The following OPCML variants were observed in gnomAD, a reference collection of about 807,000 sequenced individuals.
OPCML encodes opioid-binding protein/cell adhesion molecule.
OPCML carries 13 observed loss-of-function variants against 37.8 expected under a neutral mutation model. That is an observed-to-expected ratio of 0.34 (90% CI 0.22 to 0.55). OPCML has a LOEUF of 0.55. OPCML is among the 20% of genes least tolerant of loss of function. The pLI is 0.91. For synonymous variants in OPCML, 176 were observed against 168.8 expected, an observed-to-expected ratio of 1.04 and a Z score of -0.33; for missense variants, 341 against 435.6, an observed-to-expected ratio of 0.78 and a Z score of 1.93.
intron 2 of OPCML, among the ~76,000 whole-genome samples, chr11:132,703,785 G>T (rs1033874518): frequency 6.6e-6 from 1 of 152,188 alleles, no homozygotes; most frequent in African/African-American, 2.4e-5. Flanking sequence ...GGGTCCACAG[G>T]GGTGGGCCTA....
intron 1 of OPCML, among the ~76,000 whole-genome samples, chr11:133,397,955 T>A (rs1049480937): frequency 6.6e-5 from 10 of 152,200 alleles, no homozygotes; most frequent in Admixed American, 1.3e-4. Flanking sequence ...ATCATTAATA[T>A]GGCATGTTTT....
rs183274275 is a variant in OPCML at position 132,495,401 on chromosome 11, G to A, written c.505+33660C>T. 1.0e-3 allele frequency among the ~76,000 whole-genome samples: 158 copies of A among 152,250 alleles called. 1 individual carries two copies. The highest frequency in any genetic ancestry group is 3.6e-3 in the African/African-American group (150 of 41,546). On this transcript the variant is annotated intron_variant, in intron 4 of 7. Transcript: ENST00000524381. Reference sequence around the variant, plus strand: ...ATGCATTTGTTGGGGGAAGACATTTGCTCAGAAATCAAACTTGAAAGTGAA... The same window carrying A: ...ATGCATTTGTTGGGGGAAGACATTTACTCAGAAATCAAACTTGAAAGTGAA...
intron 3 of OPCML, among the ~76,000 whole-genome samples, chr11:132,585,885 C>G (rs568235312): frequency 6.6e-6 from 1 of 152,284 alleles, no homozygotes; most frequent in South Asian, 2.1e-4. Context: ...TTCCTTCATT[C>G]CTTCCTAAAG....
At chr11:133,469,599 G>C (rs1264090142) in intron 1 of OPCML, among the ~76,000 whole-genome samples, 1 of 152,142 alleles carries the variant, frequency 6.6e-6, no homozygotes, top group East Asian at 1.9e-4. Context: ...TGCTCCAATT[G>C]TTTTCTCTTC....
At chr11:132,573,292 G>A (rs2096442733) in intron 3 of OPCML, among the ~76,000 whole-genome samples, 2 of 151,832 alleles carry the variant, frequency 1.3e-5, no homozygotes, top group Non-Finnish European at 1.5e-5. Flanking sequence ...TTAAATAGAA[G>A]GAGTGAGAAT....
intron 1 of OPCML, among the ~76,000 whole-genome samples, chr11:133,136,169 G>A (rs1391908327): frequency 3.9e-5 from 6 of 152,190 alleles, no homozygotes; most frequent in Admixed American, 2.6e-4. Context: ...AATGCATACA[G>A]TAAAACCCAT....
At chr11:132,997,009 A>G (rs139294750) in intron 1 of OPCML, among the ~76,000 whole-genome samples, 457 of 152,200 alleles carry the variant, frequency 3.0e-3, no homozygotes, top group African/African-American at 0.011. Context: ...TAAGTTAGGG[A>G]GCCTGGTATC....
chr11:132,444,028 G>A (rs1202422584), intron 4 of OPCML, among the ~76,000 whole-genome samples: 1 of 152,214 alleles, frequency 6.6e-6, no homozygotes, highest in Non-Finnish European at 1.5e-5. Context: ...CTTGACTTTA[G>A]TACTCAGTCA....
intron 2 of OPCML, among the ~76,000 whole-genome samples, chr11:132,785,027 T>C (rs1358172671): frequency 1.3e-5 from 2 of 152,260 alleles, no homozygotes; most frequent in African/African-American, 4.8e-5. Context: ...TTTTATTTTC[T>C]TTTACATAAT....
chr11:133,410,683 T>G (rs1298020473), intron 1 of OPCML, among the ~76,000 whole-genome samples: 1 of 135,526 alleles, frequency 7.4e-6, no homozygotes, highest in Non-Finnish European at 1.6e-5. Context: ...AGACCTCTCT[T>G]TCCCATCAGC....
intron 4 of OPCML, among the ~76,000 whole-genome samples, chr11:132,444,574 G>A (rs1210104866): frequency 6.6e-6 from 1 of 152,128 alleles, no homozygotes; most frequent in Non-Finnish European, 1.5e-5. Flanking sequence ...ACTCATTACA[G>A]CAGCTAACGT....
chr11:132,850,610 A>G lies in OPCML; in HGVS notation c.146+92316T>C, dbSNP rs113737255. Among the ~76,000 whole-genome samples the G allele has an allele frequency of 1.3e-4, 20 of 152,264 alleles. 1 individual carries two copies. The highest frequency in any genetic ancestry group is 6.5e-4 in the Admixed American group (10 of 15,286). The stretch of plus-strand genomic sequence containing the variant: ...AGTTTGTATAATTCAATTCATGATT[A>G]GAGCAGAAACTACCCACAAAGTGAG... On this transcript the variant is annotated intron_variant, in intron 2 of 7. Transcript: ENST00000524381.
intron 1 of OPCML, among the ~76,000 whole-genome samples, chr11:133,143,978 G>T (rs1949861812): frequency 6.6e-6 from 1 of 152,060 alleles, no homozygotes; most frequent in South Asian, 2.1e-4. Flanking sequence ...TATGGCCCTT[G>T]AGCTCATGCT....
At chr11:133,494,586 C>A (rs7125838) in intron 1 of OPCML, among the ~76,000 whole-genome samples, 1 of 143,098 alleles carries the variant, frequency 7.0e-6, no homozygotes, top group African/African-American at 2.8e-5. Context: ...ATGGATGAAG[C>A]TGGAAACCAT....
intron 2 of OPCML, among the ~76,000 whole-genome samples, chr11:132,899,822 G>T (rs1943983758): frequency 6.6e-6 from 1 of 152,072 alleles, no homozygotes; most frequent in Admixed American, 6.5e-5. Flanking sequence ...AAGGCAAATA[G>T]GTTTCTTTCC....
intron 1 of OPCML, among the ~76,000 whole-genome samples, chr11:133,453,280 G>T (rs1158805843): frequency 6.6e-6 from 1 of 152,122 alleles, no homozygotes; most frequent in Non-Finnish European, 1.5e-5. Flanking sequence ...TCAGAATGAG[G>T]TTCTGTTCTA....
intron 1 of OPCML, among the ~76,000 whole-genome samples, chr11:133,099,233 G>A (rs767235557): frequency 4.0e-5 from 6 of 151,568 alleles, no homozygotes; most frequent in Non-Finnish European, 5.9e-5. Flanking sequence ...AATAGTCTCC[G>A]AAACTTTGCC....
chr11:133,270,175 T>A (rs574954533), intron 1 of OPCML, among the ~76,000 whole-genome samples: 1 of 152,290 alleles, frequency 6.6e-6, no homozygotes, highest in South Asian at 2.1e-4. Context: ...TGTGTTTGTG[T>A]TGGATTGATT....
chr11:132,717,223 T>G (rs1944526190), intron 2 of OPCML, among the ~76,000 whole-genome samples: 1 of 152,214 alleles, frequency 6.6e-6, no homozygotes. Context: ...TTTTAGAATC[T>G]ATTATAAAGA....
Sources: gnomAD v4.1 joint callset for allele counts (sites outside exome capture counted in the v4.1 genomes callset) on GRCh38, gnomAD v4.1.1 for gene constraint, MANE v1.5 for transcripts, NCBI Gene and HGNC (gene_info 2026-07-23, HGNC 2026-07-21) for gene names.